COL6A6: variants seen among roughly 807,000 people sequenced by gnomAD.
COL6A6 encodes the protein collagen type VI alpha 6 chain.
A neutral mutation model predicts 208.6 loss-of-function variants in COL6A6; 183 were observed. The ratio of observed to expected loss-of-function variants is 0.88; its 90% confidence interval spans 0.78 to 0.99. The LOEUF is 0.99. COL6A6 is among the 50% of genes least tolerant of loss of function. COL6A6 has a pLI of 0.00. For synonymous variants in COL6A6, 973 were observed against 1,011.8 expected, an observed-to-expected ratio of 0.96 and a Z score of 0.73; for missense variants, 2,816 against 2,815.2, an observed-to-expected ratio of 1.00 and a Z score of -0.01.
intron 28 of COL6A6, among the ~76,000 whole-genome samples, chr3:130,637,192 A>G (rs1478158140): frequency 8.2e-6 from 1 of 121,800 alleles, no homozygotes; most frequent in Non-Finnish European, 1.7e-5. Context: ...CATTAACATT[A>G]TGCTCTAAAA....
chr3:130,669,562 CAT>C (rs1325096068), intron 36 of COL6A6, among the ~76,000 whole-genome samples: 2 of 151,934 alleles, frequency 1.3e-5, no homozygotes, highest in Non-Finnish European at 2.9e-5. Flanking sequence ...CACCAGAAGT[CAT>C]GATTTAGGAA....
chr3:130,649,382 G>C lies in COL6A6; in HGVS notation c.5553G>C (p.Arg1851Ser). 1.2e-6 allele frequency: 2 copies of C among 1,612,796 alleles called. No individual in the cohort carries two copies. Among genetic ancestry groups the C allele is most frequent in the Non-Finnish European group, 1.7e-6 (2 of 1,179,446 alleles). Residue 1851 changes from arginine to serine, a missense_variant, in exon 33 of 37, where the codon AGG (arginine) becomes AGC (serine). Arg to Ser is a moderately radical substitution (Grantham distance 110, BLOSUM62 -1). Transcript: ENST00000358511. ...EIGRAMRFIS[R>S]NVFKRTLPGA... ...GCAGAGCAATGCGGTTTATTTCCAG[G>C]AATGTCTTCAAGCGGACGCTTCCGG...
chr3:130,554,833 G>A (rs1255556696), intron 1 of COL6A6, among the ~76,000 whole-genome samples: 1 of 152,152 alleles, frequency 6.6e-6, no homozygotes, highest in Admixed American at 6.5e-5. Flanking sequence ...ACATGTCAGT[G>A]AGCTAGTGTA....
At chr3:130,547,313 CCTCACTG>C (rs1273717405) in intron 1 of COL6A6, among the ~76,000 whole-genome samples, 1 of 152,264 alleles carries the variant, frequency 6.6e-6, no homozygotes, top group African/African-American at 2.4e-5. Flanking sequence ...GTGCTAAGCC[CCTCACTG>C]CTCAGGGCTG....
At position 130,650,622 on chromosome 3, in the gene COL6A6, GAAAAA is replaced by G. The variant is rs1559788928; in HGVS notation, c.5733+1062_5733+1066del. On this transcript the variant is annotated intron_variant, in intron 33 of 36. Coordinates refer to ENST00000358511, the MANE Select transcript of COL6A6 (RefSeq NM_001102608.3). ...GAGCCTCTGTCTCCAAAAAAAAAAA[GAAAAA>G]AGAAAAAGGCCAGCCATTTGAAAAT... 2.4e-5 allele frequency among the ~76,000 whole-genome samples: 3 copies of G among 126,854 alleles called. No individual in the cohort carries two copies. In the South Asian group the frequency reaches 8.3e-4, roughly 35 times the overall value. 83.2% of individuals were successfully genotyped at this position (126,854 alleles called of 152,430 possible). A position where few individuals can be genotyped will look rare whatever the true frequency, so the allele number is the denominator to read the frequency against.
intron 6 of COL6A6, 58 bp from the exon 7 acceptor site, chr3:130,570,759 CG>C: frequency 7.8e-7 from 1 of 1,289,508 alleles, no homozygotes; most frequent in Non-Finnish European, 1.1e-6. Context: ...AAGGTTGAGG[CG>C]TCTCCCATGC....
At chr3:130,533,864 T>C (rs2062163703) in intron 1 of COL6A6, among the ~76,000 whole-genome samples, 3 of 152,252 alleles carry the variant, frequency 2.0e-5, no homozygotes, top group Admixed American at 1.3e-4. Context: ...TGTTTTGAGA[T>C]TTATTCCTCT....
At chr3:130,613,118 G>A (rs901961008) in intron 23 of COL6A6, among the ~76,000 whole-genome samples, 2 of 152,122 alleles carry the variant, frequency 1.3e-5, no homozygotes, top group African/African-American at 4.8e-5. Flanking sequence ...TGTTTCCTAG[G>A]TTATCCTCCA....
Position 130,593,088 on chromosome 3 carries a change from G to T in COL6A6, c.4399G>T (p.Gly1467Ter), listed in dbSNP as rs546403459. The T allele has an allele frequency of 1.5e-5, 24 of 1,613,570 alleles. No individual in the cohort carries two copies. In the South Asian group the frequency reaches 2.4e-4, roughly 16 times the overall value. Residue 1467 changes from glycine to a stop codon, truncating the protein, a stop_gained, in exon 16 of 37, where the codon GGA (glycine) becomes TGA (stop). Transcript: ENST00000358511. LOFTEE classifies it high-confidence loss of function. Reference protein sequence around the residue: ...EGEVGENGIDGLNGEQGDNGL... With the variant: ...EGEVGENGID Reference sequence around the variant, plus strand: ...AGAAGTTGGGGAAAATGGAATTGACGGATTAAACGGAGAACAGGTAGAGCC... The same window carrying T: ...AGAAGTTGGGGAAAATGGAATTGACTGATTAAACGGAGAACAGGTAGAGCC...
chr3:130,668,203 G>A lies in COL6A6; in HGVS notation c.6596+3107G>A, dbSNP rs145506937. On this transcript the variant is annotated intron_variant, in intron 36 of 36. Coordinates refer to ENST00000358511, the MANE Select transcript of COL6A6 (RefSeq NM_001102608.3). The stretch of plus-strand genomic sequence containing the variant: ...AAATAAAATCCAGCTTCAGCTGGGC[G>A]CGGTGGCTCATGCCTATAATCCCAG... 1.8e-4 allele frequency among the ~76,000 whole-genome samples: 28 copies of A among 152,030 alleles called. No homozygotes were observed. In the East Asian group the frequency reaches 2.9e-3, roughly 16 times the overall value.
At chr3:130,517,160 C>T (rs1485801140), upstream of COL6A6, among the ~76,000 whole-genome samples, 1 of 152,140 alleles carries the variant, frequency 6.6e-6, no homozygotes, top group African/African-American at 2.4e-5. Flanking sequence ...TATATGTCGG[C>T]GAGGGGCGTG....
At chr3:130,543,006 A>G (rs1371980782) in intron 1 of COL6A6, among the ~76,000 whole-genome samples, 1 of 148,920 alleles carries the variant, frequency 6.7e-6, no homozygotes, top group Non-Finnish European at 1.5e-5. Flanking sequence ...CCCGGGTTCA[A>G]GGGATTCTTC....
At chr3:130,673,010 CA>C (rs57517362) in intron 36 of COL6A6, among the ~76,000 whole-genome samples, 19,005 of 96,176 alleles carry the variant, frequency 0.2, 1,318 homozygotes, top group South Asian at 0.31. Flanking sequence ...GACACCATCT[CA>C]AAAAAAAAAA....
At chr3:130,634,679 A>G (rs1028198723) in intron 27 of COL6A6, 54 bp downstream of exon 27, 3 of 1,336,292 alleles carry the variant, frequency 2.2e-6, no homozygotes, top group South Asian at 1.3e-5. Flanking sequence ...CCTGGGGTTT[A>G]TGAAATGTAT....
chr3:130,641,363 C>G (rs2065303338), intron 28 of COL6A6, among the ~76,000 whole-genome samples: 1 of 151,954 alleles, frequency 6.6e-6, no homozygotes, highest in South Asian at 2.1e-4. Flanking sequence ...TAAAAGGTAA[C>G]AGAGAAAAGT....
chr3:130,543,131 C>T (rs949873941), intron 1 of COL6A6, among the ~76,000 whole-genome samples: 1 of 152,112 alleles, frequency 6.6e-6, no homozygotes, highest in African/African-American at 2.4e-5. Flanking sequence ...GTCTCGATGT[C>T]CTGACCTCGT....
intron 33 of COL6A6, among the ~76,000 whole-genome samples, chr3:130,656,413 A>C (rs1276440268): frequency 6.7e-6 from 1 of 150,076 alleles, no homozygotes; most frequent in East Asian, 1.9e-4. Context: ...TCTGGCTCTC[A>C]GCAGAGAGGA....
intron 18 of COL6A6, among the ~76,000 whole-genome samples, chr3:130,596,022 G>A (rs969147794): frequency 2.6e-5 from 4 of 152,110 alleles, no homozygotes; most frequent in African/African-American, 7.2e-5. Context: ...AATCTCATGA[G>A]GATTTTTGTT....
intron 1 of COL6A6, among the ~76,000 whole-genome samples, chr3:130,539,878 C>G (rs1054718276): frequency 2.6e-5 from 4 of 152,132 alleles, no homozygotes; most frequent in African/African-American, 9.7e-5. Context: ...GATCTCTTTC[C>G]TTCAACAGTA....
Sources: allele counts gnomAD v4.1 joint callset (sites outside exome capture counted in the v4.1 genomes callset), GRCh38; gene constraint gnomAD v4.1.1; transcripts MANE v1.5; gene names NCBI Gene and HGNC (gene_info 2026-07-23, HGNC 2026-07-21).